GSK3B: variants seen among roughly 807,000 people sequenced by gnomAD.
The protein encoded by GSK3B is glycogen synthase kinase-3 beta.
Under a neutral mutation model 56.4 loss-of-function variants are expected in GSK3B, and 15 were observed. That is an observed-to-expected ratio of 0.27 (90% confidence interval 0.18 to 0.41). GSK3B has a LOEUF of 0.41. GSK3B is among the 10% of genes least tolerant of loss of function. The pLI is 1.00. For missense variants in GSK3B, 300 were observed against 513.4 expected, an observed-to-expected ratio of 0.58 and a Z score of 4.02; for synonymous variants, 181 against 188.9, an observed-to-expected ratio of 0.96 and a Z score of 0.34.
intron 7 of GSK3B, among the ~76,000 whole-genome samples, chr3:119,879,943 C>T (rs4438691): frequency 0.89 from 135,224 of 152,236 alleles, 60,219 homozygotes; most frequent in Admixed American, 0.92. Flanking sequence ...AGTGCAGATA[C>T]CTGTTCAATA....
intron 10 of GSK3B, among the ~76,000 whole-genome samples, chr3:119,830,324 G>A (rs2055579703): frequency 6.6e-6 from 1 of 152,174 alleles, no homozygotes; most frequent in African/African-American, 2.4e-5. Context: ...CTTGGCACAT[G>A]CTTATTTTGT....
chr3:120,043,909 T>A (rs55645853), intron 1 of GSK3B, among the ~76,000 whole-genome samples: 2 of 152,166 alleles, frequency 1.3e-5, no homozygotes, highest in African/African-American at 4.8e-5. Flanking sequence ...GAAGTAAACA[T>A]TGTAGAAGCA....
intron 8 of GSK3B, among the ~76,000 whole-genome samples, chr3:119,874,472 G>A (rs1470343084): frequency 1.3e-5 from 2 of 151,940 alleles, no homozygotes; most frequent in Non-Finnish European, 1.5e-5. Context: ...ACCGATTTCA[G>A]ACAGAGGCTG....
At chr3:119,892,742 A>G (rs1274669188) in intron 7 of GSK3B, among the ~76,000 whole-genome samples, 1 of 152,216 alleles carries the variant, frequency 6.6e-6, no homozygotes, top group Non-Finnish European at 1.5e-5. Context: ...AAAGGTTTTA[A>G]AAATGAAATT....
intron 3 of GSK3B, among the ~76,000 whole-genome samples, chr3:119,946,874 T>C (rs1259776266): frequency 6.6e-6 from 1 of 152,166 alleles, no homozygotes; most frequent in Non-Finnish European, 1.5e-5. Flanking sequence ...TCAGTCCTCT[T>C]GCTACCTCTT....
intron 8 of GSK3B, among the ~76,000 whole-genome samples, chr3:119,874,592 A>T (rs1271677301): frequency 6.6e-6 from 1 of 151,956 alleles, no homozygotes; most frequent in Non-Finnish European, 1.5e-5. Context: ...CATGGACTCA[A>T]TTTCAGCTTT....
intron 1 of GSK3B, among the ~76,000 whole-genome samples, chr3:120,030,273 T>C (rs1042144998): frequency 4.6e-5 from 7 of 152,300 alleles, no homozygotes; most frequent in African/African-American, 1.2e-4. Flanking sequence ...TCTCCCCAGA[T>C]TATCTCATGC....
intron 4 of GSK3B, among the ~76,000 whole-genome samples, chr3:119,917,463 T>G (rs991213739): frequency 2.0e-5 from 3 of 152,134 alleles, no homozygotes; most frequent in African/African-American, 7.2e-5. Context: ...AACTTCATAG[T>G]TCTATTATTG....
intron 1 of GSK3B, among the ~76,000 whole-genome samples, chr3:120,054,079 T>C (rs371889715): frequency 1.3e-5 from 2 of 152,208 alleles, no homozygotes; most frequent in Non-Finnish European, 2.9e-5. Flanking sequence ...AGCTGAAATA[T>C]CATAAAGGTA....
intron 1 of GSK3B, among the ~76,000 whole-genome samples, chr3:120,071,168 G>T (rs1166170947): frequency 6.6e-6 from 1 of 152,158 alleles, no homozygotes; most frequent in Non-Finnish European, 1.5e-5. Flanking sequence ...AGTAACTACT[G>T]TGGGAGACAC....
chr3:119,840,175 A>G (rs547430788), intron 10 of GSK3B, among the ~76,000 whole-genome samples: 1 of 152,060 alleles, frequency 6.6e-6, no homozygotes, highest in African/African-American at 2.4e-5. Flanking sequence ...ATGGATGTCA[A>G]TCCTGCCCTC....
At chr3:120,018,380 A>G (rs2057844859) in intron 1 of GSK3B, among the ~76,000 whole-genome samples, 1 of 152,134 alleles carries the variant, frequency 6.6e-6, no homozygotes, top group Admixed American at 6.5e-5. Context: ...CCAACTTTCC[A>G]CATACGGTGG....
chr3:119,823,962 A>G lies in GSK3B; in HGVS notation c.*2826T>C, dbSNP rs2055456810. ...GAAGCGAAGGCACTCCAAACTATAT[A>G]GATACACTATACATTGCTAGAGTTA... On this transcript the variant is annotated 3_prime_UTR_variant, in exon 11 of 11. Coordinates refer to ENST00000264235, the MANE Select transcript of GSK3B (RefSeq NM_001146156.2). The G allele has an allele frequency of 5.0e-6, 1 of 198,508 alleles. No homozygotes were observed. Among genetic ancestry groups the G allele is most frequent in the Admixed American group, 6.0e-5 (1 of 16,580 alleles). 12.3% of individuals were successfully genotyped at this position (198,508 alleles called of 1,614,324 possible).
rs184127541 is a variant in GSK3B, at chr3:120,004,032, C to T, written c.89-1793G>A. Among the ~76,000 whole-genome samples, 283 of 152,352 alleles carry T rather than the reference C, an allele frequency of 1.9e-3. 3 individuals carry two copies. Among genetic ancestry groups the T allele is most frequent in the African/African-American group, 6.0e-3 (251 of 41,574 alleles). On this transcript the variant is annotated intron_variant, in intron 1 of 10. Transcript: ENST00000264235. ...AGTGGCTGTACCTGGAGGAGCGATA[C>T]ACTCCTGCCCAAATACTGCACTTTC...
In GSK3B at chr3:119,891,318, T is replaced by C. The variant is rs546433485; in HGVS notation, c.813+14437A>G. On this transcript the variant is annotated intron_variant, in intron 7 of 10. Transcript: ENST00000264235. ...TAAAGGCTAAAAGGTAAGCAAGTGATAGATATGAAGAGCAAAGATTCAGAA... is the reference window on the plus strand; with the variant it reads ...TAAAGGCTAAAAGGTAAGCAAGTGACAGATATGAAGAGCAAAGATTCAGAA... Among the ~76,000 whole-genome samples the C allele has an allele frequency of 3.3e-5, 5 of 152,054 alleles. No individual in the cohort carries two copies. The South Asian group carries it at 1.0e-3, about 32-fold the overall frequency.
chr3:119,886,517 A>G (rs1457277709), intron 7 of GSK3B, among the ~76,000 whole-genome samples: 2 of 152,232 alleles, frequency 1.3e-5, no homozygotes, highest in South Asian at 4.1e-4. Flanking sequence ...CAGCAATGCC[A>G]TTACTGGGTA....
chr3:119,990,845 T>A (rs2057557934), intron 2 of GSK3B, among the ~76,000 whole-genome samples: 1 of 152,092 alleles, frequency 6.6e-6, no homozygotes, highest in Admixed American at 6.5e-5. Flanking sequence ...GGAGAATTGC[T>A]TGAACCCAGG....
chr3:119,996,897 C>T (rs572838130), intron 2 of GSK3B, among the ~76,000 whole-genome samples: 38 of 151,940 alleles, frequency 2.5e-4, no homozygotes, highest in African/African-American at 9.2e-4. Context: ...ACATAAAATA[C>T]CTCCAAAAAA....
chr3:119,935,716 A>G (rs1016831922), intron 3 of GSK3B, among the ~76,000 whole-genome samples: 2 of 152,200 alleles, frequency 1.3e-5, no homozygotes, highest in Non-Finnish European at 2.9e-5. Flanking sequence ...AAAAAACAGA[A>G]GCAGAGGGAA....
Sources: allele counts gnomAD v4.1 joint callset (sites outside exome capture counted in the v4.1 genomes callset), GRCh38; gene constraint gnomAD v4.1.1; transcripts MANE v1.5; gene names NCBI Gene and HGNC (gene_info 2026-07-23, HGNC 2026-07-21).